OXR1: variants seen among roughly 807,000 people sequenced by gnomAD.
The protein encoded by OXR1 is oxidation resistance 1.
A neutral mutation model predicts 104.6 loss-of-function variants in OXR1; 41 were observed. The observed-to-expected ratio is 0.39, with a 90% CI of 0.31 to 0.51. OXR1 has a LOEUF of 0.51. OXR1 is among the 20% of genes least tolerant of loss of function. The probability of loss-of-function intolerance (pLI) is 0.77; values close to 1 mark genes in which losing one functional copy is unlikely to be tolerated. For synonymous variants in OXR1, 348 were observed against 348.4 expected (o/e 1.00, Z 0.01); for missense variants, 955 against 1,031.9 (o/e 0.93, Z 1.02).
At chr8:106,688,572 GT>G (rs1169575278) in intron 6 of OXR1, among the ~76,000 whole-genome samples, 2 of 152,024 alleles carry the variant, frequency 1.3e-5, no homozygotes, top group South Asian at 2.1e-4. Flanking sequence ...AGTAGCTATT[GT>G]TTTTTTACTT....
At chr8:106,404,926 C>T (rs1036942614) in intron 2 of OXR1, among the ~76,000 whole-genome samples, 2 of 151,844 alleles carry the variant, frequency 1.3e-5, no homozygotes, top group African/African-American at 2.4e-5. Flanking sequence ...TGGATGGTCT[C>T]GATCACCTGA....
intron 2 of OXR1, among the ~76,000 whole-genome samples, chr8:106,444,452 G>C (rs1227076984): frequency 6.6e-6 from 1 of 152,170 alleles, no homozygotes; most frequent in Non-Finnish European, 1.5e-5. Flanking sequence ...GTCCATCAAT[G>C]ATAGACTGGA....
chr8:106,333,230 G>A (rs1011454119), intron 1 of OXR1, among the ~76,000 whole-genome samples: 2 of 151,994 alleles, frequency 1.3e-5, no homozygotes, highest in African/African-American at 4.8e-5. Context: ...CTTTTTCACA[G>A]CAGCTATGAA....
At chr8:106,307,337 C>G (rs1039874529) in intron 1 of OXR1, among the ~76,000 whole-genome samples, 27 of 152,290 alleles carry the variant, frequency 1.8e-4, no homozygotes, top group Middle Eastern at 6.8e-3. Flanking sequence ...CCCAGGATAA[C>G]ATTCGAAAGC....
At chr8:106,429,817 G>A (rs558835455) in intron 2 of OXR1, among the ~76,000 whole-genome samples, 85 of 151,586 alleles carry the variant, frequency 5.6e-4, no homozygotes, top group South Asian at 1.5e-3. Context: ...CTGATTTTGC[G>A]TTTCTCAGTT....
intron 3 of OXR1, among the ~76,000 whole-genome samples, chr8:106,645,114 T>C (rs909517536): frequency 6.6e-6 from 1 of 152,122 alleles, no homozygotes; most frequent in Non-Finnish European, 1.5e-5. Context: ...ATGTATAGGC[T>C]CTAATGAGCA....
At chr8:106,551,860 ATG>A (rs71307068) in intron 3 of OXR1, among the ~76,000 whole-genome samples, 5,140 of 126,422 alleles carry the variant, frequency 0.041, 128 homozygotes, top group African/African-American at 0.076. Flanking sequence ...GTGTATATAT[ATG>A]TGTGTGTGTG....
intron 2 of OXR1, among the ~76,000 whole-genome samples, chr8:106,485,065 A>G (rs1013922892): frequency 2.0e-5 from 3 of 152,178 alleles, no homozygotes; most frequent in East Asian, 1.9e-4. Flanking sequence ...AAAGAAGCCA[A>G]TCTGAAAAGA....
At chr8:106,279,585 G>A (rs562411280) in intron 1 of OXR1, among the ~76,000 whole-genome samples, 1 of 152,240 alleles carries the variant, frequency 6.6e-6, no homozygotes, top group South Asian at 2.1e-4. Context: ...GAAGCACAGA[G>A]ATTTGCAAAA....
At chr8:106,455,858 A>T (rs578111535) in intron 2 of OXR1, among the ~76,000 whole-genome samples, 1 of 152,354 alleles carries the variant, frequency 6.6e-6, no homozygotes, top group South Asian at 2.1e-4. Flanking sequence ...CAATAGACCT[A>T]GATTAATACC....
chr8:106,669,459 G>A (rs1332660512), intron 3 of OXR1, among the ~76,000 whole-genome samples: 1 of 151,998 alleles, frequency 6.6e-6, no homozygotes, highest in Non-Finnish European at 1.5e-5. Flanking sequence ...TGTTTTGATC[G>A]TGGATAAGGA....
At chr8:106,709,887 G>A (rs1831523920) in intron 9 of OXR1, among the ~76,000 whole-genome samples, 1 of 152,022 alleles carries the variant, frequency 6.6e-6, no homozygotes, top group East Asian at 1.9e-4. Flanking sequence ...TGAAAATAGT[G>A]GGGTTCCCAT....
intron 2 of OXR1, among the ~76,000 whole-genome samples, chr8:106,433,674 C>T (rs1229585863): frequency 6.6e-6 from 1 of 152,144 alleles, no homozygotes; most frequent in Non-Finnish European, 1.5e-5. Context: ...ATAATGTTCT[C>T]CGTTACAATT....
Position 106,658,653 on chromosome 8 carries a change from G to T in OXR1, c.221-20557G>T, listed in dbSNP as rs146411378. Among the ~76,000 whole-genome samples, 5 of 152,312 alleles carry T rather than the reference G, an allele frequency of 3.3e-5. No homozygotes were observed. In the East Asian group the frequency reaches 9.7e-4, roughly 29 times the overall value. ...TTCCTAACCGAAAAATAAAAAGCCA[G>T]ATACTTCTTTGTAAAATAAAACACT... On this transcript the variant is annotated intron_variant, in intron 3 of 16. Transcript: ENST00000517566.
chr8:106,501,152 G>A (rs80323351), intron 2 of OXR1, among the ~76,000 whole-genome samples: 8,201 of 152,134 alleles, frequency 0.054, 295 homozygotes, highest in African/African-American at 0.092. Context: ...TTTTTTAAGG[G>A]ACAGAGTCTC....
chr8:106,561,702 C>G (rs533046713), intron 3 of OXR1, among the ~76,000 whole-genome samples: 1 of 152,274 alleles, frequency 6.6e-6, no homozygotes, highest in South Asian at 2.1e-4. Context: ...CAGCAATGGT[C>G]GACAGACACC....
chr8:106,552,963 T>C (rs1815968186), intron 3 of OXR1, among the ~76,000 whole-genome samples: 1 of 152,180 alleles, frequency 6.6e-6, no homozygotes. Context: ...CAAAGACTGT[T>C]TTATTCTCCT....
rs116589471 is a variant in OXR1 at position 106,471,702 on chromosome 8, T to G, written c.24-47241T>G. 2.8e-3 allele frequency among the ~76,000 whole-genome samples: 422 copies of G among 151,916 alleles called. 2 individuals are homozygous for G. The highest frequency in any genetic ancestry group is 9.3e-3 in the African/African-American group (385 of 41,492). ...CTTCTGATTTTAAAGTAATAAGAGA[T>G]TTTTTTAAAATTTGCTCTGAAGGCA... is the stretch of plus-strand genomic sequence containing the variant. On this transcript the variant is annotated intron_variant, in intron 2 of 16. Transcript: ENST00000517566.
At chr8:106,593,753 G>T (rs979340533) in intron 3 of OXR1, among the ~76,000 whole-genome samples, 1 of 152,200 alleles carries the variant, frequency 6.6e-6, no homozygotes, top group Non-Finnish European at 1.5e-5. Context: ...TCCAGCCTGG[G>T]CGACAGAGCG....
Sources: allele counts gnomAD v4.1 joint callset (sites outside exome capture counted in the v4.1 genomes callset), GRCh38; gene constraint gnomAD v4.1.1; transcripts MANE v1.5; gene names NCBI Gene and HGNC (gene_info 2026-07-23, HGNC 2026-07-21).